The following DNAH7 variants were observed in gnomAD, a reference collection of about 807,000 sequenced individuals.
DNAH7 encodes dynein axonemal heavy chain 7.
DNAH7 carries 397 observed loss-of-function variants against 444.6 expected under a neutral mutation model. That is an observed-to-expected ratio of 0.89 (90% CI 0.82 to 0.97). The LOEUF is 0.97. Ranked by LOEUF, DNAH7 falls within the 50% of genes least tolerant of loss-of-function variation. DNAH7 has a pLI of 0.00. For missense variants in DNAH7, 4,902 were observed against 4,800.8 expected, an observed-to-expected ratio of 1.02 and a Z score of -0.62; for synonymous variants, 1,636 against 1,624.4, an observed-to-expected ratio of 1.01 and a Z score of -0.17.
chr2:196,011,996 G>A (rs553602473), intron 10 of DNAH7, among the ~76,000 whole-genome samples: 16 of 152,116 alleles, frequency 1.1e-4, no homozygotes, highest in African/African-American at 3.4e-4. Context: ...AAAATAAAAG[G>A]CTAAAGTTTT....
chr2:195,755,743 C>CTAAAA (rs1694038317), intron 62 of DNAH7, among the ~76,000 whole-genome samples: 1 of 152,174 alleles, frequency 6.6e-6, no homozygotes, highest in South Asian at 2.1e-4. Flanking sequence ...ATTTCCAAGA[C>CTAAAA]AATTAGCCAT....
At chr2:195,977,355 A>T (rs991375588) in intron 15 of DNAH7, among the ~76,000 whole-genome samples, 1 of 152,210 alleles carries the variant, frequency 6.6e-6, no homozygotes, top group African/African-American at 2.4e-5. Flanking sequence ...TGTAATTGAC[A>T]TACTGAAGAA....
At chr2:195,765,344 A>G (rs1251634539) in intron 61 of DNAH7, among the ~76,000 whole-genome samples, 1 of 152,212 alleles carries the variant, frequency 6.6e-6, no homozygotes, top group Non-Finnish European at 1.5e-5. Flanking sequence ...AATACTCCAC[A>G]GGCACAGACA....
intron 51 of DNAH7, among the ~76,000 whole-genome samples, chr2:195,811,258 T>C (rs1037383852): frequency 2.6e-5 from 4 of 152,224 alleles, no homozygotes; most frequent in African/African-American, 4.8e-5. Context: ...TGTCCTAATT[T>C]TGGGATTTCA....
intron 19 of DNAH7, among the ~76,000 whole-genome samples, chr2:195,942,978 T>C (rs893870210): frequency 6.6e-5 from 10 of 152,082 alleles, no homozygotes; most frequent in African/African-American, 1.4e-4. Context: ...TGGGAGGTAA[T>C]TGAATCATCG....
intron 48 of DNAH7, among the ~76,000 whole-genome samples, chr2:195,828,777 A>G (rs1300829896): frequency 1.3e-5 from 2 of 151,860 alleles, no homozygotes; most frequent in East Asian, 3.9e-4. Context: ...ATTTTTCCAC[A>G]AAGCCAATTT....
At chr2:195,897,171 C>T (rs1420838881) in intron 29 of DNAH7, among the ~76,000 whole-genome samples, 3 of 152,116 alleles carry the variant, frequency 2.0e-5, no homozygotes, top group Non-Finnish European at 4.4e-5. Context: ...CTAATACTTC[C>T]TCTCAATTAC....
At chr2:195,785,921 CCTT>C (rs1299590865) in intron 58 of DNAH7, among the ~76,000 whole-genome samples, 5 of 151,864 alleles carry the variant, frequency 3.3e-5, no homozygotes, top group Non-Finnish European at 7.4e-5. Flanking sequence ...ATTTTTGCTC[CCTT>C]ATTAGTGTAT....
chr2:195,955,363 T>A (rs1022129797), intron 19 of DNAH7, among the ~76,000 whole-genome samples: 4 of 152,204 alleles, frequency 2.6e-5, no homozygotes, highest in African/African-American at 9.7e-5. Flanking sequence ...CTGAGGGCTC[T>A]CTTCTGTTCC....
intron 19 of DNAH7, among the ~76,000 whole-genome samples, chr2:195,956,709 G>C (rs1690689142): frequency 6.6e-6 from 1 of 150,832 alleles, no homozygotes; most frequent in South Asian, 2.1e-4. Context: ...TAGTGTTACT[G>C]GTTTTTATTA....
intron 18 of DNAH7, among the ~76,000 whole-genome samples, chr2:195,959,540 A>G (rs903218862): frequency 6.6e-6 from 1 of 152,224 alleles, no homozygotes; most frequent in African/African-American, 2.4e-5. Flanking sequence ...AACATGCCCA[A>G]GTGTACGATA....
At chr2:196,005,323 TAACTA>T (rs2125700685) in intron 10 of DNAH7, among the ~76,000 whole-genome samples, 1 of 150,976 alleles carries the variant, frequency 6.6e-6, no homozygotes, top group South Asian at 2.1e-4. Flanking sequence ...TATATATATA[TAACTA>T]AACTCAAAAC....
At position 195,934,583 on chromosome 2, in the gene DNAH7, T is replaced by C. The variant is rs1688922002; in HGVS notation, c.3471+8A>G. ...CCTTTTCTAAAAATCATCAGTATAA[T>C]CAGCTACCTTGTGGATGGAGTTAAT... On this transcript the variant is annotated splice_region_variant and intron_variant, in intron 21 of 64. Coordinates refer to ENST00000312428, the MANE Select transcript of DNAH7 (RefSeq NM_018897.3). 1 of 1,613,212 alleles carries C rather than the reference T, an allele frequency of 6.2e-7. No homozygotes were observed. Among genetic ancestry groups the C allele is most frequent in the African/African-American group, 1.3e-5 (1 of 74,918 alleles).
At chr2:195,766,957 T>C (rs927218325) in intron 61 of DNAH7, among the ~76,000 whole-genome samples, 2 of 152,148 alleles carry the variant, frequency 1.3e-5, no homozygotes, top group African/African-American at 4.8e-5. Context: ...TCTGGTTACT[T>C]CTCTTTTTTT....
chr2:195,787,648 G>C (rs1344430741), intron 57 of DNAH7, among the ~76,000 whole-genome samples: 1 of 152,214 alleles, frequency 6.6e-6, no homozygotes, highest in Admixed American at 6.5e-5. Context: ...GGGAACAGCT[G>C]TTATGCTGGG....
rs548046460 is a variant in DNAH7, at chr2:196,021,381, T to C, written c.744-2086A>G. On this transcript the variant is annotated intron_variant, in intron 8 of 64. Transcript: ENST00000312428. ...TGTATAGAGGCTTGCAATGGAGATA[T>C]TGCAAGTTTGGTTCAAGACCACCCC... Among the ~76,000 whole-genome samples the C allele has an allele frequency of 1.4e-4, 21 of 152,296 alleles. No homozygotes were observed. The Middle Eastern group carries it at 0.01, about 75-fold the overall frequency.
chr2:195,909,933 G>C, intron 25 of DNAH7, 94 bp downstream of exon 25: 1 of 1,282,094 alleles, frequency 7.8e-7, no homozygotes, highest in Non-Finnish European at 1.1e-6. Flanking sequence ...TTAAGCTACA[G>C]TAAATCTTTT....
intron 24 of DNAH7, among the ~76,000 whole-genome samples, chr2:195,917,989 T>C (rs1267101811): frequency 6.6e-6 from 1 of 152,112 alleles, no homozygotes; most frequent in Non-Finnish European, 1.5e-5. Flanking sequence ...ATTTAGACAA[T>C]ACAAACGCAA....
intron 18 of DNAH7, among the ~76,000 whole-genome samples, chr2:195,959,083 AT>A (rs1221520449): frequency 6.6e-6 from 1 of 151,942 alleles, no homozygotes; most frequent in African/African-American, 2.4e-5. Flanking sequence ...TAATTAATTA[AT>A]TTAATTAAAT....
Sources: gnomAD v4.1 joint callset for allele counts (sites outside exome capture counted in the v4.1 genomes callset) on GRCh38, gnomAD v4.1.1 for gene constraint, MANE v1.5 for transcripts, NCBI Gene and HGNC (gene_info 2026-07-23, HGNC 2026-07-21) for gene names.